FBXO25: variants seen among roughly 807,000 people sequenced by gnomAD.
FBXO25 encodes the protein F-box protein 25, also known as F-box only protein 25.
Under a neutral mutation model 51.9 loss-of-function variants are expected in FBXO25, and 45 were observed. The ratio of observed to expected loss-of-function variants is 0.87; its 90% CI spans 0.68 to 1.11. The LOEUF (loss-of-function observed/expected upper bound fraction) is 1.11. FBXO25 is among the 50% of genes most tolerant of loss of function. The probability of loss-of-function intolerance (pLI) is 0.00; values close to 1 mark genes in which losing one functional copy is unlikely to be tolerated. For synonymous variants in FBXO25, 199 were observed against 151.0 expected (o/e 1.32, Z -2.33); for missense variants, 507 against 428.5 (o/e 1.18, Z -1.62).
At chr8:432,804 G>A in intron 3 of FBXO25, 82 bp from the exon 4 acceptor site, 2 of 1,397,260 alleles carry the variant, frequency 1.4e-6, no homozygotes, top group African/African-American at 3.0e-5. Context: ...TTGTTAACAT[G>A]TCCAATTATT....
At chr8:467,929 G>C (rs566620699) in intron 9 of FBXO25, 9 of 1,441,246 alleles carry the variant, frequency 6.2e-6, no homozygotes, top group Middle Eastern at 4.1e-4. Context: ...AAGGACGAGA[G>C]TGTTGATGAA....
chr8:453,541 C>T lies in FBXO25; in HGVS notation c.660+2088C>T, dbSNP rs536888601. ...TTAACTGAGCTGCATTTGTAGATGC[C>T]GGACTCAGTCAGCCAAATTGGTCTA... is the stretch of plus-strand genomic sequence containing the variant. On this transcript the variant is annotated intron_variant, in intron 7 of 9. Transcript: ENST00000350302. 1.2e-3 allele frequency among the ~76,000 whole-genome samples: 178 copies of T among 152,186 alleles called. 1 individual carries two copies. Among genetic ancestry groups the T allele is most frequent in the Non-Finnish European group, 2.1e-3 (146 of 68,010 alleles).
intron 2 of FBXO25, among the ~76,000 whole-genome samples, chr8:426,571 A>G (rs543996970): frequency 4.2e-3 from 613 of 147,302 alleles, no homozygotes; most frequent in South Asian, 8.6e-3. Context: ...CAAGTGGCAC[A>G]CGCAGGAAGT....
rs936044331 is a variant in FBXO25, at chr8:456,739, C to G, written c.661-1630C>G. Among the ~76,000 whole-genome samples, 3 of 152,174 alleles carry G rather than the reference C, an allele frequency of 2.0e-5. No individual in the cohort carries two copies. The South Asian group carries it at 6.2e-4, about 31-fold the overall frequency. ...TCGTGTCTGGCAGATGCATAGGATG[C>G]TTGAGGTGAAGTGGCTTGGAGTGCA... On this transcript the variant is annotated intron_variant, in intron 7 of 9. Coordinates refer to ENST00000350302, the MANE Select transcript of FBXO25 (RefSeq NM_183420.2).
At chr8:410,498 A>G (rs1454656561) in intron 1 of FBXO25, among the ~76,000 whole-genome samples, 1 of 152,142 alleles carries the variant, frequency 6.6e-6, no homozygotes, top group African/African-American at 2.4e-5. Flanking sequence ...TTTGATAATT[A>G]TCAGAGATGT....
rs1310520398 is a variant in FBXO25 at position 472,313 on chromosome 8, T to C, written c.*3509T>C. On this transcript the variant is annotated 3_prime_UTR_variant, in exon 10 of 10. Coordinates refer to ENST00000350302, the MANE Select transcript of FBXO25 (RefSeq NM_183420.2). ...GCTTTTTCTGCATCTCTTAAGATAA[T>C]GTAGTTTTTGGCCTTCATAAGATCA... 6.6e-6 allele frequency: 1 copy of C among 152,226 alleles called. No individual in the cohort carries two copies. The highest frequency in any genetic ancestry group is 1.5e-5 in the Non-Finnish European group (1 of 68,044). 9.4% of individuals were successfully genotyped at this position (152,226 alleles called of 1,614,324 possible). A position where few individuals can be genotyped will look rare whatever the true frequency, so the allele number is the denominator to read the frequency against.
intron 7 of FBXO25, among the ~76,000 whole-genome samples, chr8:454,034 G>A (rs1049473913): frequency 6.6e-6 from 1 of 152,114 alleles, no homozygotes; most frequent in African/African-American, 2.4e-5. Flanking sequence ...TAAGGCAGGG[G>A]ATTTGCTTGA....
At chr8:422,430 G>A (rs1797213412) in intron 2 of FBXO25, among the ~76,000 whole-genome samples, 1 of 152,208 alleles carries the variant, frequency 6.6e-6, no homozygotes, top group Admixed American at 6.5e-5. Flanking sequence ...GGCATGGGGG[G>A]CCATGGTAGT....
intron 5 of FBXO25, among the ~76,000 whole-genome samples, chr8:443,722 AT>A (rs1798569174): frequency 1.3e-5 from 2 of 151,772 alleles, no homozygotes; most frequent in South Asian, 4.2e-4. Flanking sequence ...CAGTCCACAC[AT>A]TGCTAAAGGA....
At chr8:463,512 A>G (rs1213033804) in intron 9 of FBXO25, among the ~76,000 whole-genome samples, 3 of 152,064 alleles carry the variant, frequency 2.0e-5, no homozygotes, top group Non-Finnish European at 4.4e-5. Flanking sequence ...GGACAAGTGC[A>G]CCTTCCTCGT....
At chr8:463,215 A>G (rs1799931374) in intron 9 of FBXO25, 65 bp downstream of exon 9, 8 of 1,541,176 alleles carry the variant, frequency 5.2e-6, no homozygotes, top group South Asian at 4.7e-5. Context: ...CTAATCACCT[A>G]TATTTTAAGT....
intron 4 of FBXO25, among the ~76,000 whole-genome samples, chr8:433,324 T>A (rs919290450): frequency 6.6e-6 from 1 of 152,200 alleles, no homozygotes; most frequent in African/African-American, 2.4e-5. Flanking sequence ...CCTGTACATA[T>A]CTGAGTCTAC....
intron 9 of FBXO25, among the ~76,000 whole-genome samples, chr8:465,025 C>G (rs1800061513): frequency 6.6e-6 from 1 of 152,098 alleles, no homozygotes; most frequent in South Asian, 2.1e-4. Context: ...GGAGAGAACC[C>G]TCATTCTATT....
chr8:420,039 G>A (rs1370434693), intron 2 of FBXO25, among the ~76,000 whole-genome samples: 1 of 152,146 alleles, frequency 6.6e-6, no homozygotes, highest in Non-Finnish European at 1.5e-5. Flanking sequence ...AGCATGTGAT[G>A]CCCAACTTAA....
intron 3 of FBXO25, 111 bp from the exon 4 acceptor site, chr8:432,775 T>C (rs764745848): frequency 1.6e-6 from 2 of 1,281,174 alleles, no homozygotes; most frequent in East Asian, 5.7e-5. Context: ...TTCTTGTCAA[T>C]ATAGTAAGTC....
intron 2 of FBXO25, among the ~76,000 whole-genome samples, chr8:428,611 C>G (rs556985770): frequency 8.7e-4 from 132 of 152,252 alleles, no homozygotes; most frequent in Middle Eastern, 3.4e-3. Flanking sequence ...TACATTCACA[C>G]TATTGTGCAA....
chr8:431,222 C>T (rs553624071), intron 2 of FBXO25, 119 bp from the exon 3 acceptor site: 26 of 569,874 alleles, frequency 4.6e-5, no homozygotes, highest in Non-Finnish European at 7.2e-5. Flanking sequence ...TTAGACATTA[C>T]CCTTGTGATT....
intron 7 of FBXO25, among the ~76,000 whole-genome samples, chr8:454,449 C>G (rs1195563143): frequency 6.6e-6 from 1 of 152,192 alleles, no homozygotes; most frequent in African/African-American, 2.4e-5. Flanking sequence ...CATGGATCAG[C>G]AGGCGTAGCC....
chr8:465,755 C>G (rs1469141700), intron 9 of FBXO25, among the ~76,000 whole-genome samples: 2 of 152,216 alleles, frequency 1.3e-5, no homozygotes, highest in Non-Finnish European at 2.9e-5. Context: ...CATCATGTCA[C>G]TGCTCAAAAG....
Sources: gnomAD v4.1 joint callset for allele counts (sites outside exome capture counted in the v4.1 genomes callset) on GRCh38, gnomAD v4.1.1 for gene constraint, MANE v1.5 for transcripts, NCBI Gene and HGNC (gene_info 2026-07-23, HGNC 2026-07-21) for gene names.